Variants in AGBL1 observed in about 807,000 individuals in gnomAD.
AGBL1 encodes the protein AGBL carboxypeptidase 1.
AGBL1 carries 130 observed loss-of-function variants against 118.9 expected under a neutral mutation model. That is an observed-to-expected ratio of 1.09 (90% CI 0.95 to 1.26). The LOEUF is 1.26. Ranked by LOEUF, AGBL1 falls within the 50% of genes most tolerant of loss-of-function variation. The pLI, the probability that AGBL1 is intolerant of heterozygous loss-of-function variation, is 0.00. For synonymous variants in AGBL1, 555 were observed against 478.9 expected (o/e 1.16, Z -2.08); for missense variants, 1,584 against 1,298.1 (o/e 1.22, Z -3.38).
chr15:86,528,323 C>T (rs374076669), intron 19 of AGBL1, among the ~76,000 whole-genome samples: 6 of 152,230 alleles, frequency 3.9e-5, no homozygotes, highest in South Asian at 2.1e-4. Context: ...GGAGTTCCCT[C>T]TCCGAGTCAA....
chr15:86,137,784 A>G (rs1173369048), intron 1 of AGBL1, among the ~76,000 whole-genome samples: 1 of 152,190 alleles, frequency 6.6e-6, no homozygotes, highest in African/African-American at 2.4e-5. Context: ...TCCTCCATCA[A>G]CACTCAACCA....
intron 18 of AGBL1, among the ~76,000 whole-genome samples, chr15:86,427,714 T>C (rs1383234005): frequency 6.6e-6 from 1 of 152,224 alleles, no homozygotes; most frequent in East Asian, 1.9e-4. Flanking sequence ...AAACTGTAGA[T>C]GATATATTAT....
Position 86,665,778 on chromosome 15 carries a change from T to C in AGBL1, c.2995-8495T>C, listed in dbSNP as rs113380482. On this transcript the variant is annotated intron_variant, in intron 21 of 22. Coordinates refer to ENST00000614907, the MANE Select transcript of AGBL1 (RefSeq NM_001386094.1). ...TAATCAAAATAAATTTTTTTTTTTA[T>C]ATTTGGGGTAAGATTTTTCTCTCAA... Among the ~76,000 whole-genome samples, 407 of 152,078 alleles carry C rather than the reference T, an allele frequency of 2.7e-3. 2 individuals carry two copies. The highest frequency in any genetic ancestry group is 9.6e-3 in the African/African-American group (399 of 41,506).
intron 6 of AGBL1, among the ~76,000 whole-genome samples, chr15:86,244,687 A>G (rs1022448053): frequency 6.6e-6 from 1 of 152,200 alleles, no homozygotes; most frequent in Non-Finnish European, 1.5e-5. Context: ...CAAAAAAGAC[A>G]TGGATGAAGG....
intron 24 of AGBL1, among the ~76,000 whole-genome samples, chr15:87,028,018 T>C (rs1454604797): frequency 6.9e-6 from 1 of 144,562 alleles, no homozygotes; most frequent in Non-Finnish European, 1.5e-5. Context: ...CTGCACATCC[T>C]GCGCACATAC....
At chr15:86,376,585 C>G (rs2081043655) in intron 17 of AGBL1, among the ~76,000 whole-genome samples, 2 of 152,236 alleles carry the variant, frequency 1.3e-5, no homozygotes. Context: ...CAGGGAAGCT[C>G]ATCCAGTCCT....
chr15:86,984,361 C>CTTTTTTTTTTTT (rs1251444990), intron 23 of AGBL1, among the ~76,000 whole-genome samples: 1 of 143,438 alleles, frequency 7.0e-6, no homozygotes, highest in Non-Finnish European at 1.5e-5. Context: ...ATTTTTTTCT[C>CTTTTTTTTTTTT]TCTTTTTTTT....
At chr15:86,621,971 T>C (rs1417451317) in intron 21 of AGBL1, among the ~76,000 whole-genome samples, 9 of 152,148 alleles carry the variant, frequency 5.9e-5, no homozygotes, top group African/African-American at 1.9e-4. Flanking sequence ...CATCACTATA[T>C]GCAATTAGAA....
intron 17 of AGBL1, among the ~76,000 whole-genome samples, chr15:86,377,010 C>A (rs2081050710): frequency 6.6e-6 from 1 of 152,122 alleles, no homozygotes; most frequent in African/African-American, 2.4e-5. Flanking sequence ...AATTTATGAT[C>A]CTATCTATAT....
At chr15:86,472,665 T>A (rs761084218) in intron 18 of AGBL1, among the ~76,000 whole-genome samples, 130 of 152,352 alleles carry the variant, frequency 8.5e-4, no homozygotes, top group South Asian at 2.3e-3. Context: ...ACGCCTGTAA[T>A]CCCAGTATTT....
At chr15:86,599,303 C>T (rs770310754) in intron 21 of AGBL1, among the ~76,000 whole-genome samples, 1 of 151,756 alleles carries the variant, frequency 6.6e-6, no homozygotes, top group Non-Finnish European at 1.5e-5. Context: ...TCTTTAAAGA[C>T]TGTGTGAATC....
Position 86,925,143 on chromosome 15 carries a change from A to AGAGGAGGAGGAGGAGGAG in AGBL1, c.3222-62835_3222-62818dup, listed in dbSNP as rs1176964792. ...AAGAAGAAGAGGAAGAGGAAGAGGAAGAGGAGGAGGAGGAGGAGGAGGAGG... is the reference window on the plus strand; with the variant it reads ...AAGAAGAAGAGGAAGAGGAAGAGGAAGAGGAGGAGGAGGAGGAGGAGGAGGAGGAGGAGGAGGAGGAGG... On this transcript the variant is annotated intron_variant, in intron 23 of 24. Coordinates refer to the AGBL1 transcript ENST00000441037. 7.4e-3 allele frequency among the ~76,000 whole-genome samples: 590 copies of AGAGGAGGAGGAGGAGGAG among 80,242 alleles called. 9 individuals are homozygous for AGAGGAGGAGGAGGAGGAG. The highest frequency in any genetic ancestry group is 0.017 in the African/African-American group (479 of 28,510). The allele number at this position is 80,242 out of a possible 152,430, so 52.6% of individuals were successfully genotyped here. A position where few individuals can be genotyped will look rare whatever the true frequency, so the allele number is the denominator to read the frequency against.
intron 23 of AGBL1, among the ~76,000 whole-genome samples, chr15:86,979,553 A>T (rs1259022803): frequency 2.0e-5 from 3 of 151,640 alleles, no homozygotes; most frequent in Non-Finnish European, 4.4e-5. Flanking sequence ...CAGTGGCGCG[A>T]TCTCGGCTCA....
intron 22 of AGBL1, among the ~76,000 whole-genome samples, chr15:86,893,050 G>A (rs1428056109): frequency 6.6e-6 from 1 of 152,156 alleles, no homozygotes; most frequent in Non-Finnish European, 1.5e-5. Context: ...GGGCAATGCT[G>A]CTAAATACTG....
At chr15:86,452,410 A>G (rs960753731) in intron 18 of AGBL1, among the ~76,000 whole-genome samples, 8 of 152,170 alleles carry the variant, frequency 5.3e-5, no homozygotes, top group Admixed American at 5.2e-4. Flanking sequence ...CTCATGATGC[A>G]CTGAATATTC....
intron 19 of AGBL1, among the ~76,000 whole-genome samples, chr15:86,535,302 T>C (rs547868013): frequency 5.9e-5 from 9 of 152,326 alleles, no homozygotes; most frequent in African/African-American, 1.9e-4. Context: ...TTTCCCTTTG[T>C]GGAGCTCCCT....
At chr15:86,303,611 T>C (rs374434164) in intron 17 of AGBL1, among the ~76,000 whole-genome samples, 11 of 152,278 alleles carry the variant, frequency 7.2e-5, no homozygotes, top group African/African-American at 2.6e-4. Flanking sequence ...ATACAGCCAA[T>C]ATGCTATAAA....
At position 86,888,236 on chromosome 15, in the gene AGBL1, G is replaced by A. The variant is rs1004328841; in HGVS notation, c.3159-18851G>A. Among the ~76,000 whole-genome samples the A allele has an allele frequency of 3.3e-5, 5 of 152,080 alleles. 1 individual carries two copies. The highest frequency in any genetic ancestry group is 4.2e-4 in the South Asian group (2 of 4,808). ...CAGCACCATTCATTCTAACAAGCCC[G>A]GTGATGGGTCTGATTGTATCAGAAG... On this transcript the variant is annotated intron_variant, in intron 22 of 22. Coordinates refer to ENST00000614907, the MANE Select transcript of AGBL1 (RefSeq NM_001386094.1).
intron 16 of AGBL1, among the ~76,000 whole-genome samples, chr15:86,283,488 T>TG (rs2079389025): frequency 8.8e-6 from 1 of 113,850 alleles, no homozygotes. Context: ...GATGGGGAGG[T>TG]GGGGGGAGGT....
Sources: gnomAD v4.1 joint callset for allele counts (sites outside exome capture counted in the v4.1 genomes callset) on GRCh38, gnomAD v4.1.1 for gene constraint, MANE v1.5 for transcripts, NCBI Gene and HGNC (gene_info 2026-07-23, HGNC 2026-07-21) for gene names.